Variants in SEMA6D observed in about 807,000 individuals in gnomAD.
SEMA6D encodes the protein semaphorin 6D.
A neutral mutation model predicts 106.6 loss-of-function variants in SEMA6D; 35 were observed. The ratio of observed to expected loss-of-function variants is 0.33; its 90% CI spans 0.25 to 0.44. SEMA6D has a LOEUF of 0.44. Ranked by LOEUF, SEMA6D falls within the 20% of genes least tolerant of loss-of-function variation. SEMA6D has a pLI of 1.00. For missense variants in SEMA6D, 1,185 were observed against 1,345.9 expected (o/e 0.88, Z 1.87); for synonymous variants, 499 against 487.7 (o/e 1.02, Z -0.31).
At chr15:47,689,416 A>T (rs1046925097) in intron 4 of SEMA6D, among the ~76,000 whole-genome samples, 1 of 152,222 alleles carries the variant, frequency 6.6e-6, no homozygotes, top group East Asian at 1.9e-4. Flanking sequence ...AATTACACCA[A>T]TGAGATGGCA....
intron 1 of SEMA6D, among the ~76,000 whole-genome samples, chr15:47,399,965 G>A (rs747169397): frequency 1.3e-5 from 2 of 152,172 alleles, no homozygotes; most frequent in Non-Finnish European, 2.9e-5. Flanking sequence ...ATCAGAGAAA[G>A]CTTTAAATAA....
At chr15:47,628,716 T>C (rs781709315) in intron 4 of SEMA6D, among the ~76,000 whole-genome samples, 2 of 152,140 alleles carry the variant, frequency 1.3e-5, no homozygotes, top group Non-Finnish European at 2.9e-5. Flanking sequence ...TCATCCTCTG[T>C]ACAAGGTCTT....
intron 1 of SEMA6D, among the ~76,000 whole-genome samples, chr15:47,338,522 T>C (rs928776174): frequency 5.9e-5 from 9 of 152,224 alleles, no homozygotes; most frequent in African/African-American, 2.2e-4. Context: ...ACAAAAATTT[T>C]AAAAATTAAA....
intron 1 of SEMA6D, among the ~76,000 whole-genome samples, chr15:47,361,010 G>A (rs2038784490): frequency 6.6e-6 from 1 of 152,358 alleles, no homozygotes; most frequent in African/African-American, 2.4e-5. Context: ...GGTTTGTCAT[G>A]AGGATTTGTT....
chr15:47,203,480 T>A (rs995173661), intron 1 of SEMA6D, among the ~76,000 whole-genome samples: 4 of 152,168 alleles, frequency 2.6e-5, no homozygotes, highest in Non-Finnish European at 5.9e-5. Flanking sequence ...GGAGACTTTA[T>A]ATGTCTAAGA....
intron 4 of SEMA6D, among the ~76,000 whole-genome samples, chr15:47,613,181 C>T (rs1018851860): frequency 6.6e-6 from 1 of 152,146 alleles, no homozygotes. Context: ...ACACATACAC[C>T]GTCACACAAT....
At chr15:47,422,227 TTCC>T (rs1207693172) in intron 2 of SEMA6D, among the ~76,000 whole-genome samples, 23 of 148,716 alleles carry the variant, frequency 1.5e-4, no homozygotes, top group African/African-American at 5.9e-4. Context: ...CCTTCCTTCC[TTCC>T]TTCCATTTTC....
intron 1 of SEMA6D, among the ~76,000 whole-genome samples, chr15:47,243,945 G>A (rs1401474819): frequency 1.3e-5 from 2 of 152,078 alleles, no homozygotes; most frequent in Non-Finnish European, 2.9e-5. Flanking sequence ...GTCCTTGCAT[G>A]GAGTTTACAA....
At chr15:47,314,567 C>T (rs2036570550) in intron 1 of SEMA6D, among the ~76,000 whole-genome samples, 1 of 109,330 alleles carries the variant, frequency 9.1e-6, no homozygotes, top group Admixed American at 1.3e-4. Context: ...CACTGCACTC[C>T]AGCCTGGGCG....
chr15:47,573,237 CT>C (rs1272717796), intron 3 of SEMA6D, among the ~76,000 whole-genome samples: 6 of 151,772 alleles, frequency 4.0e-5, no homozygotes, highest in Admixed American at 3.9e-4. Flanking sequence ...GAACAAAGTA[CT>C]TAATTAAAAA....
At chr15:47,286,687 A>G (rs1228680472) in intron 1 of SEMA6D, among the ~76,000 whole-genome samples, 1 of 152,172 alleles carries the variant, frequency 6.6e-6, no homozygotes, top group East Asian at 1.9e-4. Flanking sequence ...GGAAAAGGGA[A>G]GACTTCATGA....
intron 4 of SEMA6D, among the ~76,000 whole-genome samples, chr15:47,610,952 CAGCT>C (rs1433652890): frequency 2.6e-5 from 4 of 152,146 alleles, no homozygotes; most frequent in African/African-American, 9.7e-5. Flanking sequence ...GATTTTAAAA[CAGCT>C]AGATATGCTC....
At chr15:47,321,183 G>C (rs2036908466) in intron 1 of SEMA6D, among the ~76,000 whole-genome samples, 2 of 152,132 alleles carry the variant, frequency 1.3e-5, no homozygotes, top group African/African-American at 4.8e-5. Flanking sequence ...ACCAAGGGAA[G>C]CCCATCTTCC....
At position 47,771,159 on chromosome 15, in the gene SEMA6D, A is replaced by G; in HGVS notation, c.2596A>G (p.Lys866Glu). ...IDHPLTKSSS[K>E]RDHRRSVDSR... ...TCACCCTCTCACAAAGTCATCCAGT[A>G]AGAGAGATCACCGGCGTTCTGTTGA... is the stretch of plus-strand genomic sequence containing the variant. The change falls in exon 19 of 19, where the codon AAG becomes GAG. Residue 866 changes from lysine (K) to glutamate (E), a missense_variant. Around this residue, in one of 3 missense-constraint regions of SEMA6D, gnomAD observed 750 missense variants for 783.5 expected, o/e 0.96. Coordinates refer to ENST00000536845, the MANE Select transcript of SEMA6D (RefSeq NM_001358351.3). 1 of 1,614,094 alleles carries G rather than the reference A, an allele frequency of 6.2e-7. No individual in the cohort carries two copies. The highest frequency in any genetic ancestry group is 8.5e-7 in the Non-Finnish European group (1 of 1,179,978).
intron 1 of SEMA6D, among the ~76,000 whole-genome samples, chr15:47,349,325 C>A (rs12908163): frequency 1.3e-5 from 2 of 151,934 alleles, no homozygotes. Context: ...TTTGCAGGTG[C>A]AGGATAACAT....
intron 1 of SEMA6D, among the ~76,000 whole-genome samples, chr15:47,271,057 T>C (rs1374975383): frequency 6.6e-6 from 1 of 152,220 alleles, no homozygotes; most frequent in Non-Finnish European, 1.5e-5. Flanking sequence ...TTTACAGTCC[T>C]CATTTTGTCT....
intron 3 of SEMA6D, among the ~76,000 whole-genome samples, chr15:47,472,686 C>T (rs979101084): frequency 6.6e-6 from 1 of 151,890 alleles, no homozygotes; most frequent in African/African-American, 2.4e-5. Flanking sequence ...AATAAAAATA[C>T]CAATAACATT....
chr15:47,341,243 A>G (rs1415142452), intron 1 of SEMA6D, among the ~76,000 whole-genome samples: 2 of 151,996 alleles, frequency 1.3e-5, no homozygotes, highest in Non-Finnish European at 2.9e-5. Context: ...TACAAAAATT[A>G]AGCAGGTGTG....
chr15:47,694,889 C>G (rs1365447911), intron 4 of SEMA6D, among the ~76,000 whole-genome samples: 1 of 152,094 alleles, frequency 6.6e-6, no homozygotes, highest in Non-Finnish European at 1.5e-5. Context: ...GTATGTATTA[C>G]AATTATTGAG....
Sources: allele counts gnomAD v4.1 joint callset (sites outside exome capture counted in the v4.1 genomes callset), GRCh38; gene constraint gnomAD v4.1.1; regional missense constraint gnomAD v4.1.1; transcripts MANE v1.5; gene names NCBI Gene and HGNC (gene_info 2026-07-23, HGNC 2026-07-21).